Variants in DTNA observed in about 807,000 individuals in gnomAD.
The protein encoded by DTNA is dystrophin-related protein 3.
Under a neutral mutation model 100.7 loss-of-function variants are expected in DTNA, and 43 were observed. The ratio of observed to expected loss-of-function variants is 0.43; its 90% confidence interval spans 0.33 to 0.55. The LOEUF is 0.55. Ranked by LOEUF, DTNA falls within the 20% of genes least tolerant of loss-of-function variation. The pLI is 0.04. For synonymous variants in DTNA, 349 were observed against 347.9 expected (o/e 1.00, Z -0.04); for missense variants, 798 against 953.9 (o/e 0.84, Z 2.15).
chr18:34,757,319 A>G (rs941258433), intron 2 of DTNA: 1 of 152,146 alleles, frequency 6.6e-6, no homozygotes, highest in African/African-American at 2.4e-5. Context: ...ACAAAATCCA[A>G]AGCAGCACAG....
Position 34,868,887 on chromosome 18 carries a change from T to G in DTNA, c.1743+4825T>G, listed in dbSNP as rs1479030920. 4 of 624,584 alleles carry G rather than the reference T, an allele frequency of 6.4e-6. No homozygotes were observed. In the African/African-American group the frequency reaches 8.0e-5, roughly 12 times the overall value. 38.7% of individuals were successfully genotyped at this position (624,584 alleles called of 1,614,324 possible). On this transcript the variant is annotated intron_variant, in intron 17 of 22. Coordinates refer to ENST00000444659, the MANE Select transcript of DTNA (RefSeq NM_001386795.1). ...GAAGGAACCATAAAAAGAACACTCA[T>G]AAAACGTTTAATAATGAAGGCAGCT... is the stretch of plus-strand genomic sequence containing the variant.
Position 34,749,664 on chromosome 18 carries a change from TAATAATAATAATAAC to T in DTNA, c.-1-6309_-1-6295del, listed in dbSNP as rs1328800264. 5.4e-4 allele frequency among the ~76,000 whole-genome samples: 26 copies of T among 48,096 alleles called. 1 individual carries two copies. Among genetic ancestry groups the T allele is most frequent in the African/African-American group, 1.0e-3 (16 of 15,708 alleles). 31.6% of individuals were successfully genotyped at this position (48,096 alleles called of 152,430 possible). A position where few individuals can be genotyped will look rare whatever the true frequency, so the allele number is the denominator to read the frequency against. ...CAAAAAATAATAATAATAATAATAATAATAATAATAATAACAAATAAGATACCAGTTCCAGGAGTA... is the reference window on the plus strand; with the variant it reads ...CAAAAAATAATAATAATAATAATAATAAATAAGATACCAGTTCCAGGAGTA... On this transcript the variant is annotated intron_variant, in intron 1 of 22. Transcript: ENST00000444659.
At chr18:34,735,799 C>T (rs2089448765) in intron 1 of DTNA, among the ~76,000 whole-genome samples, 1 of 152,074 alleles carries the variant, frequency 6.6e-6, no homozygotes, top group Non-Finnish European at 1.5e-5. Context: ...GGTATTAAGC[C>T]CAGCATGCAT....
In DTNA at chr18:34,685,316, T is replaced by A. The variant is rs181900168; in HGVS notation, c.-1-70660T>A. ...AATCCATCTTGAGTTAATTTTTGTATGAGGTGTAAGGAAAGGGTCCAGTTT... is the reference window on the plus strand; with the variant it reads ...AATCCATCTTGAGTTAATTTTTGTAAGAGGTGTAAGGAAAGGGTCCAGTTT... On this transcript the variant is annotated intron_variant, in intron 1 of 19. Transcript: ENST00000283365. Among the ~76,000 whole-genome samples, 21 of 152,292 alleles carry A rather than the reference T, an allele frequency of 1.4e-4. No individual in the cohort carries two copies. In the East Asian group the frequency reaches 3.9e-3, roughly 28 times the overall value.
chr18:34,553,953 G>A (rs1454124223), intron 1 of DTNA, among the ~76,000 whole-genome samples: 1 of 149,300 alleles, frequency 6.7e-6, no homozygotes, highest in Admixed American at 6.7e-5. Flanking sequence ...CATTGAATCT[G>A]TAAATTACCT....
chr18:34,586,895 A>G (rs1356246246), intron 1 of DTNA, among the ~76,000 whole-genome samples: 1 of 152,124 alleles, frequency 6.6e-6, no homozygotes, highest in Non-Finnish European at 1.5e-5. Flanking sequence ...CTCCAATTCG[A>G]GTTGACTTTG....
intron 1 of DTNA, among the ~76,000 whole-genome samples, chr18:34,662,137 T>TG (rs2075289452): frequency 7.6e-6 from 1 of 131,370 alleles, no homozygotes; most frequent in African/African-American, 2.7e-5. Flanking sequence ...CGGTTGTTGT[T>TG]TTTTTTTTTT....
intron 1 of DTNA, among the ~76,000 whole-genome samples, chr18:34,592,434 T>A (rs1325903298): frequency 6.6e-6 from 1 of 150,786 alleles, no homozygotes; most frequent in Non-Finnish European, 1.5e-5. Context: ...TTCCATTCAC[T>A]CAATTTCTCT....
In DTNA at chr18:34,806,279, A is replaced by G. The variant is rs376651004; in HGVS notation, c.423A>G (p.Gly141=). ...AAATGGCTTTAGCCACATTGTGTGGAGGGAAGATCATGGACAAATTAAGAT... is the reference window on the plus strand; with the variant it reads ...AAATGGCTTTAGCCACATTGTGTGGGGGGAAGATCATGGACAAATTAAGAT... The part of the protein sequence containing the change: ...AVKMALATLC[G]GKIMDKLRYI... The change falls in exon 5 of 23, where the codon GGA becomes GGG. Residue 141 remains glycine (G), a synonymous_variant. Coordinates refer to ENST00000444659, the MANE Select transcript of DTNA (RefSeq NM_001386795.1). 1.6e-5 allele frequency: 26 copies of G among 1,613,766 alleles called. 1 individual carries two copies. Among genetic ancestry groups the G allele is most frequent in the African/African-American group, 2.7e-5 (2 of 74,902 alleles).
chr18:34,868,902 T>A, intron 17 of DTNA: 1 of 463,680 alleles, frequency 2.2e-6, no homozygotes, highest in Non-Finnish European at 2.8e-6. Flanking sequence ...CGTTTAATAA[T>A]GAAGGCAGCT....
At chr18:34,652,007 A>AG (rs2060502761) in intron 1 of DTNA, among the ~76,000 whole-genome samples, 1 of 151,878 alleles carries the variant, frequency 6.6e-6, no homozygotes, top group Admixed American at 6.6e-5. Flanking sequence ...TCAAGGCTGC[A>AG]GTGAGGCATG....
intron 4 of DTNA, among the ~76,000 whole-genome samples, chr18:34,800,743 G>A (rs66540366): frequency 0.15 from 22,748 of 152,132 alleles, 2,080 homozygotes; most frequent in African/African-American, 0.26. Context: ...AGAACTTCAA[G>A]TTTCTCATGG....
chr18:34,761,923 A>C (rs2093197655), intron 2 of DTNA, among the ~76,000 whole-genome samples: 1 of 152,224 alleles, frequency 6.6e-6, no homozygotes, highest in Non-Finnish European at 1.5e-5. Flanking sequence ...TATTTTGAAA[A>C]ATAATGAAGA....
At chr18:34,705,024 T>G (rs1352996081) in intron 1 of DTNA, among the ~76,000 whole-genome samples, 1 of 152,114 alleles carries the variant, frequency 6.6e-6, no homozygotes, top group Non-Finnish European at 1.5e-5. Flanking sequence ...CTGACAGTCT[T>G]CCACTCAAAG....
intron 1 of DTNA, among the ~76,000 whole-genome samples, chr18:34,536,083 ATTTC>A (rs1243873573): frequency 6.6e-6 from 1 of 151,992 alleles, no homozygotes; most frequent in African/African-American, 2.4e-5. Context: ...ACATTTTTCC[ATTTC>A]TTTCTTTAAT....
At chr18:34,564,900 G>T (rs2046953808) in intron 1 of DTNA, among the ~76,000 whole-genome samples, 1 of 152,122 alleles carries the variant, frequency 6.6e-6, no homozygotes, top group Admixed American at 6.5e-5. Context: ...AAAGAATGGA[G>T]ATTTACCAAG....
intron 1 of DTNA, among the ~76,000 whole-genome samples, chr18:34,566,619 G>A (rs1347987472): frequency 2.6e-5 from 4 of 152,204 alleles, no homozygotes; most frequent in Non-Finnish European, 4.4e-5. Flanking sequence ...CGCTGTGCTG[G>A]AGTCGTCTAC....
Position 34,829,468 on chromosome 18 carries a change from A to G in DTNA, c.1154A>G (p.Asn385Ser). ...EEHSLIKLYV[N>S]QLDHGARSPP... is the part of the protein sequence containing the mutation. ...CATTCCCTCATAAAGCTGTACGTAA[A>G]TCAGCTTGATCACGGTGCACGGTCA... The change falls in exon 11 of 23, where the codon AAT (asparagine) becomes AGT (serine). Residue 385 changes from asparagine (N) to serine (S), a missense_variant. Coordinates refer to ENST00000444659, the MANE Select transcript of DTNA (RefSeq NM_001386795.1). The G allele has an allele frequency of 6.6e-7, 1 of 1,525,600 alleles. No individual in the cohort carries two copies. Among genetic ancestry groups the G allele is most frequent in the Non-Finnish European group, 8.8e-7 (1 of 1,139,052 alleles). The allele number at this position is 1,525,600 out of a possible 1,614,324, so 94.5% of individuals were successfully genotyped here.
At chr18:34,634,324 A>C (rs2058422277) in intron 1 of DTNA, among the ~76,000 whole-genome samples, 1 of 152,214 alleles carries the variant, frequency 6.6e-6, no homozygotes, top group Non-Finnish European at 1.5e-5. Context: ...TTATCAACTT[A>C]GAAATTAAAA....
Sources: gnomAD v4.1 joint callset for allele counts (sites outside exome capture counted in the v4.1 genomes callset) on GRCh38, gnomAD v4.1.1 for gene constraint, MANE v1.5 for transcripts, NCBI Gene and HGNC (gene_info 2026-07-23, HGNC 2026-07-21) for gene names.